Variants in SORL1 observed in about 807,000 individuals in gnomAD.
SORL1 encodes sortilin-related receptor.
In SORL1, 127 loss-of-function variants were observed where a neutral mutation model predicts 273.7. That is an observed-to-expected ratio of 0.46 (90% confidence interval 0.40 to 0.54). The LOEUF (loss-of-function observed/expected upper bound fraction) is 0.54, where lower values mean the gene tolerates loss of function less well. SORL1 is among the 20% of genes least tolerant of loss of function. SORL1 has a pLI of 0.00. For synonymous variants in SORL1, 1,031 were observed against 1,067.4 expected (o/e 0.97, Z 0.66); for missense variants, 2,494 against 2,846.1 (o/e 0.88, Z 2.81).
intron 21 of SORL1, among the ~76,000 whole-genome samples, chr11:121,564,896 C>T (rs1448144831): frequency 6.6e-6 from 1 of 152,130 alleles, no homozygotes; most frequent in Non-Finnish European, 1.5e-5. Context: ...TTTAAAATAA[C>T]ATCATATTCC....
chr11:121,487,106 C>G (rs1861485549), intron 3 of SORL1, among the ~76,000 whole-genome samples: 1 of 152,204 alleles, frequency 6.6e-6, no homozygotes, highest in Non-Finnish European at 1.5e-5. Flanking sequence ...GGAATCATTT[C>G]TCATCTCTCA....
Position 121,550,162 on chromosome 11 carries a change from C to T in SORL1, c.2180+74C>T. The stretch of plus-strand genomic sequence containing the variant: ...GGAGCGAGAGAGCATAGAGGACCGT[C>T]TGGATTGCTCTACACTCGAAATTCT... On this transcript the variant is annotated intron_variant, in intron 15 of 47. Coordinates refer to ENST00000260197, the MANE Select transcript of SORL1 (RefSeq NM_003105.6). The surrounding 1 kb of genome is among the most constrained non-coding windows in gnomAD (Gnocchi z 5.3). The T allele has an allele frequency of 6.9e-7, 1 of 1,447,450 alleles. No homozygotes were observed. Among genetic ancestry groups the T allele is most frequent in the Non-Finnish European group, 9.3e-7 (1 of 1,070,526 alleles). The allele number at this position is 1,447,450 out of a possible 1,614,324, so 89.7% of individuals were successfully genotyped here.
chr11:121,521,149 G>A (rs1030971853), intron 9 of SORL1, among the ~76,000 whole-genome samples: 1 of 150,940 alleles, frequency 6.6e-6, no homozygotes, highest in African/African-American at 2.4e-5. Context: ...TTTGAATTTT[G>A]TTTGTCCATG....
Position 121,590,105 on chromosome 11 carries a change from A to T in SORL1, c.4144A>T (p.Ile1382Phe). ...FQFRCENGHCIPNRWKCDREN... is the reference protein window; with the variant it reads ...FQFRCENGHCFPNRWKCDREN... ...GTTTCGGTGTGAGAATGGCCACTGC[A>T]TCCCCAACAGATGGAAATGTGACAG... The change falls in exon 30 of 48, where the codon ATC (isoleucine) becomes TTC (phenylalanine). Residue 1382 changes from isoleucine to phenylalanine, a missense_variant. By Grantham distance (21) the Ile-to-Phe change is conservative (BLOSUM62 0). Coordinates refer to ENST00000260197, the MANE Select transcript of SORL1 (RefSeq NM_003105.6). 6.2e-7 allele frequency: 1 copy of T among 1,614,166 alleles called. No homozygotes were observed. The highest frequency in any genetic ancestry group is 8.5e-7 in the Non-Finnish European group (1 of 1,180,006).
rs561836985 is a variant in SORL1, at chr11:121,621,462, A to G, written c.6064+224A>G. Among the ~76,000 whole-genome samples the G allele has an allele frequency of 4.9e-4, 74 of 152,034 alleles. No individual in the cohort carries two copies. In the Middle Eastern group the frequency reaches 0.01, roughly 21 times the overall value. ...CTGGGGAGTGGCTATCGTTTTCTTT[A>G]TTTTCTAAGTCTTTTTAACTCCCCT... is the stretch of plus-strand genomic sequence containing the variant. On this transcript the variant is annotated intron_variant, in intron 44 of 47. Transcript: ENST00000260197.
rs536232186 is a variant in SORL1, at chr11:121,560,757, A to T, written c.3049+1100A>T. 1.2e-4 allele frequency among the ~76,000 whole-genome samples: 18 copies of T among 152,336 alleles called. No homozygotes were observed. The South Asian group carries it at 3.1e-3, about 26-fold the overall frequency. On this transcript the variant is annotated intron_variant, in intron 21 of 47. Coordinates refer to ENST00000260197, the MANE Select transcript of SORL1 (RefSeq NM_003105.6). The stretch of plus-strand genomic sequence containing the variant: ...AACTATAAAGTGTCTTACAAATGTA[A>T]GACGATATTATTTGTTATGTCTTCA...
At chr11:121,465,715 G>T (rs1861072174) in intron 1 of SORL1, among the ~76,000 whole-genome samples, 1 of 152,204 alleles carries the variant, frequency 6.6e-6, no homozygotes, top group Non-Finnish European at 1.5e-5. Context: ...TTTTAGTAGA[G>T]ACGGTTTTTC....
At chr11:121,532,633 C>CAACAACATAGTGCTG in intron 12 of SORL1, 81 bp downstream of exon 12, 1 of 1,193,222 alleles carries the variant, frequency 8.4e-7, no homozygotes, top group Non-Finnish European at 1.2e-6. Flanking sequence ...GATTATCTCT[C>CAACAACATAGTGCTG]TATAGCACTA....
At chr11:121,487,516 G>A (rs960241896) in intron 3 of SORL1, among the ~76,000 whole-genome samples, 4 of 152,200 alleles carry the variant, frequency 2.6e-5, no homozygotes, top group Admixed American at 1.3e-4. Flanking sequence ...TGGCATAGCA[G>A]CACGAAGGAG....
Position 121,478,186 on chromosome 11 carries a change from A to T in SORL1, c.471A>T (p.Gly157=). The change falls in exon 3 of 48, where the codon GGA becomes GGT. Residue 157 remains glycine (G), a synonymous_variant. Coordinates refer to ENST00000260197, the MANE Select transcript of SORL1 (RefSeq NM_003105.6). The stretch of plus-strand genomic sequence containing the variant: ...CAGACAAGTTAAACTTTGGCTTGGG[A>T]AATAGGAGTGAAGCTGTTATCGCCC... ...KISDKLNFGL[G]NRSEAVIAQF... The T allele has an allele frequency of 6.2e-7, 1 of 1,614,148 alleles. No individual in the cohort carries two copies. Among genetic ancestry groups the T allele is most frequent in the South Asian group, 1.1e-5 (1 of 91,086 alleles).
chr11:121,618,639 A>G, intron 41 of SORL1, 135 bp from the exon 42 acceptor site: 1 of 1,061,890 alleles, frequency 9.4e-7, no homozygotes, highest in Non-Finnish European at 1.4e-6. Flanking sequence ...AATGCTGTAA[A>G]TGTAATAAAT....
At chr11:121,504,215 C>T (rs1197176382) in intron 6 of SORL1, among the ~76,000 whole-genome samples, 1 of 152,126 alleles carries the variant, frequency 6.6e-6, no homozygotes, top group African/African-American at 2.4e-5. Flanking sequence ...AGTTCGAGAC[C>T]AGCCTGGCCA....
In SORL1 at chr11:121,595,804, G is replaced by A; in HGVS notation, c.4519+32G>A. ...AGTCAGAGAGCCCTTCACCCCCTGG[G>A]CACGTTTCTGCAGAGAGCACAGTTC... is the stretch of plus-strand genomic sequence containing the variant. On this transcript the variant is annotated intron_variant, in intron 32 of 47. Transcript: ENST00000260197. The surrounding 1 kb of genome is among the most constrained non-coding windows in gnomAD (Gnocchi z 5.1). 2 of 1,603,700 alleles carry A rather than the reference G, an allele frequency of 1.2e-6. No homozygotes were observed. The highest frequency in any genetic ancestry group is 1.7e-6 in the Non-Finnish European group (2 of 1,178,272).
rs1860821932 is a variant in SORL1, at chr11:121,452,634, C to T, written c.285+18C>T. 5 of 1,440,494 alleles carry T rather than the reference C, an allele frequency of 3.5e-6. No homozygotes were observed. Among genetic ancestry groups the T allele is most frequent in the Non-Finnish European group, 4.5e-6 (5 of 1,100,158 alleles). 89.2% of individuals were successfully genotyped at this position (1,440,494 alleles called of 1,614,324 possible). On this transcript the variant is annotated intron_variant, in intron 1 of 47. Transcript: ENST00000260197. This position sits in a 1 kb window ranked among gnomAD's most constrained non-coding sequence, Gnocchi z 5.3. ...ACGGACAGGTGAGCAGTTTTGCAAC[C>T]CGCCTCCCTCCAGTTTTTTCCTCTC...
chr11:121,569,149 C>G (rs1862798401), intron 22 of SORL1, among the ~76,000 whole-genome samples: 1 of 152,040 alleles, frequency 6.6e-6, no homozygotes, highest in African/African-American at 2.4e-5. Flanking sequence ...CAATCAATAC[C>G]CTTGTGATTT....
intron 32 of SORL1, among the ~76,000 whole-genome samples, chr11:121,597,310 C>T (rs1863309863): frequency 6.6e-6 from 1 of 152,024 alleles, no homozygotes; most frequent in Non-Finnish European, 1.5e-5. Context: ...CCAGTAACAT[C>T]TTCAGTTTGG....
intron 24 of SORL1, among the ~76,000 whole-genome samples, chr11:121,575,527 G>C (rs904248960): frequency 6.6e-6 from 1 of 152,262 alleles, no homozygotes; most frequent in Non-Finnish European, 1.5e-5. Context: ...TTATGAGCAG[G>C]TGGTTTGACT....
intron 6 of SORL1, among the ~76,000 whole-genome samples, chr11:121,503,263 A>G (rs543326449): frequency 3.9e-4 from 59 of 152,196 alleles, no homozygotes; most frequent in African/African-American, 1.4e-3. Context: ...ATCTGAGGTC[A>G]TGAATATATA....
chr11:121,495,582 ACT>A (rs1186064479), intron 5 of SORL1, among the ~76,000 whole-genome samples: 1 of 151,820 alleles, frequency 6.6e-6, no homozygotes, highest in Non-Finnish European at 1.5e-5. Context: ...TTGAGTCATC[ACT>A]CTGTATTCTC....
Sources: gnomAD v4.1 joint callset for allele counts (sites outside exome capture counted in the v4.1 genomes callset) on GRCh38, gnomAD v4.1.1 for gene constraint, Gnocchi (gnomAD v3.1) non-coding constraint, MANE v1.5 for transcripts, NCBI Gene and HGNC (gene_info 2026-07-23, HGNC 2026-07-21) for gene names.